Variants in SYNDIG1L observed in about 807,000 individuals in gnomAD.
SYNDIG1L encodes the protein synapse differentiation inducing 1 like.
Under a neutral mutation model 20.1 loss-of-function variants are expected in SYNDIG1L, and 13 were observed. The ratio of observed to expected loss-of-function variants is 0.65; its 90% CI spans 0.42 to 1.03. The LOEUF (loss-of-function observed/expected upper bound fraction) is 1.03. SYNDIG1L is among the 50% of genes least tolerant of loss of function. The pLI, the probability that SYNDIG1L is intolerant of heterozygous loss-of-function variation, is 0.00. For synonymous variants in SYNDIG1L, 128 were observed against 129.3 expected, an observed-to-expected ratio of 0.99 and a Z score of 0.07; for missense variants, 294 against 305.1, an observed-to-expected ratio of 0.96 and a Z score of 0.27.
rs144049440 is a variant in SYNDIG1L at position 74,406,146 on chromosome 14, C to T, written c.*1389G>A. 322 of 398,894 alleles carry T rather than the reference C, an allele frequency of 8.1e-4. 4 individuals carry two copies. The highest frequency in any genetic ancestry group is 6.0e-3 in the African/African-American group (294 of 48,714). 24.7% of individuals were successfully genotyped at this position (398,894 alleles called of 1,614,324 possible). On this transcript the variant is annotated 3_prime_UTR_variant, in exon 4 of 4. Transcript: ENST00000331628. ...GGCCTGCCCACATTGGTGCTGCCCC[C>T]CGCCTACCTGGAGATGTCTCTAAAA...
intron 1 of SYNDIG1L, among the ~76,000 whole-genome samples, chr14:74,415,498 A>G (rs1209472870): frequency 6.6e-6 from 1 of 152,182 alleles, no homozygotes; most frequent in Non-Finnish European, 1.5e-5. Flanking sequence ...CTGAAAAAAG[A>G]GTAAAAAAAT....
the SYNDIG1L span, among the ~76,000 whole-genome samples, chr14:74,434,988 C>G: frequency 7.2e-6 from 1 of 139,474 alleles, no homozygotes; most frequent in African/African-American, 2.7e-5. Context: ...GAGGCGGAGG[C>G]AGGAGAATGG....
chr14:74,430,823 A>T (rs1391072045), upstream of SYNDIG1L, among the ~76,000 whole-genome samples: 1 of 152,102 alleles, frequency 6.6e-6, no homozygotes, highest in Non-Finnish European at 1.5e-5. Flanking sequence ...GCAGTGGTGC[A>T]ATTGCTGCTC....
At chr14:74,422,869 T>A (rs1356421037) in intron 1 of SYNDIG1L, among the ~76,000 whole-genome samples, 1 of 151,986 alleles carries the variant, frequency 6.6e-6, no homozygotes, top group Non-Finnish European at 1.5e-5. Context: ...GGCTACTTTT[T>A]GTACTTTTAG....
intron 2 of SYNDIG1L, 22 bp from the exon 3 acceptor site, chr14:74,408,011 T>C (rs763062069): frequency 3.8e-6 from 6 of 1,593,034 alleles, no homozygotes; most frequent in Non-Finnish European, 5.1e-6. Flanking sequence ...TGGAGTTTGG[T>C]GACCAGGCCC....
chr14:74,416,894 G>A lies in SYNDIG1L; in HGVS notation c.-57-7093C>T, dbSNP rs148940366. On this transcript the variant is annotated intron_variant, in intron 1 of 3. Coordinates refer to ENST00000331628, the MANE Select transcript of SYNDIG1L (RefSeq NM_001105579.2). ...ATGTCATCATCATCTGCATTTTACA[G>A]CAAAAGACACTGAGGCATAGGAAAG... Among the ~76,000 whole-genome samples, 14 of 152,254 alleles carry A rather than the reference G, an allele frequency of 9.2e-5. 2 individuals are homozygous for A. Among genetic ancestry groups the A allele is most frequent in the African/African-American group, 3.4e-4 (14 of 41,546 alleles).
rs553689861 is a variant in SYNDIG1L at position 74,418,400 on chromosome 14, T to C, written c.-58+7512A>G. 3.3e-4 allele frequency among the ~76,000 whole-genome samples: 51 copies of C among 152,362 alleles called. 2 individuals are homozygous for C. Among genetic ancestry groups the C allele is most frequent in the African/African-American group, 1.2e-3 (50 of 41,578 alleles). On this transcript the variant is annotated intron_variant, in intron 1 of 3. Transcript: ENST00000331628. Reference sequence around the variant, plus strand: ...GCCTAACACAATTGATTATCCTTTCTCTCGCCTCTGTCTCCAACTGCTCCT... The same window carrying C: ...GCCTAACACAATTGATTATCCTTTCCCTCGCCTCTGTCTCCAACTGCTCCT...
At chr14:74,412,367 C>A (rs2086138454) in intron 1 of SYNDIG1L, among the ~76,000 whole-genome samples, 1 of 152,174 alleles carries the variant, frequency 6.6e-6, no homozygotes. Context: ...GGCATGTGAG[C>A]TCTGTAAGCC....
At chr14:74,440,257 T>C in the SYNDIG1L span, among the ~76,000 whole-genome samples, 5 of 151,526 alleles carry the variant, frequency 3.3e-5, no homozygotes, top group Admixed American at 1.3e-4. Flanking sequence ...GGCTCACACC[T>C]GTAACCCCAG....
intron 1 of SYNDIG1L, 52 bp from the exon 2 acceptor site, chr14:74,409,853 G>T: frequency 7.8e-7 from 1 of 1,284,152 alleles, no homozygotes; most frequent in South Asian, 3.3e-5. Flanking sequence ...CTGGAGGCAG[G>T]ACCTAAAGTG....
chr14:74,407,834 C>T lies in SYNDIG1L; in HGVS notation c.558+15G>A, dbSNP rs371150634. 3.2e-5 allele frequency: 51 copies of T among 1,606,652 alleles called. No homozygotes were observed. The highest frequency in any genetic ancestry group is 4.1e-5 in the Non-Finnish European group (48 of 1,176,566). On this transcript the variant is annotated intron_variant, in intron 3 of 3. Coordinates refer to ENST00000331628, the MANE Select transcript of SYNDIG1L (RefSeq NM_001105579.2). ...GACGGGCCAGAGAAGGGACCTGGGC[C>T]CCAGGTGCTCTTACCCCCTGGGAGA...
the SYNDIG1L span, among the ~76,000 whole-genome samples, chr14:74,442,442 G>C: frequency 6.6e-6 from 1 of 152,174 alleles, no homozygotes; most frequent in Non-Finnish European, 1.5e-5. Context: ...CAGGATGCAC[G>C]AAAGTTCTGT....
At chr14:74,434,141 TG>T in the SYNDIG1L span, among the ~76,000 whole-genome samples, 1 of 152,262 alleles carries the variant, frequency 6.6e-6, no homozygotes, top group Non-Finnish European at 1.5e-5. Context: ...TGTCCCTTGA[TG>T]GAGGTAACTT....
At chr14:74,467,116 TC>T in the SYNDIG1L span, among the ~76,000 whole-genome samples, 1 of 152,318 alleles carries the variant, frequency 6.6e-6, no homozygotes, top group Non-Finnish European at 1.5e-5. Context: ...CCGTGTTATT[TC>T]CTTTAAAATT....
At chr14:74,432,180 T>TGTGTGTGA in the SYNDIG1L span, among the ~76,000 whole-genome samples, 4,766 of 123,622 alleles carry the variant, frequency 0.039, 132 homozygotes, top group East Asian at 0.076. Context: ...TGTGTGTGTG[T>TGTGTGTGA]GAGAGAGAGA....
intron 1 of SYNDIG1L, among the ~76,000 whole-genome samples, chr14:74,416,761 G>A (rs1329327833): frequency 2.0e-5 from 3 of 152,214 alleles, no homozygotes; most frequent in Non-Finnish European, 4.4e-5. Context: ...GTAAAAGGAT[G>A]GAATAATAAT....
the SYNDIG1L span, among the ~76,000 whole-genome samples, chr14:74,465,588 G>A: frequency 6.6e-6 from 1 of 152,220 alleles, no homozygotes; most frequent in Non-Finnish European, 1.5e-5. Context: ...GAGAAAGGAG[G>A]AGAAAATCAG....
the SYNDIG1L span, among the ~76,000 whole-genome samples, chr14:74,439,036 C>T: frequency 1.3e-5 from 2 of 151,420 alleles, no homozygotes; most frequent in Non-Finnish European, 2.9e-5. Flanking sequence ...ATCACTTGAA[C>T]CCGGGAGGCA....
upstream of SYNDIG1L, among the ~76,000 whole-genome samples, chr14:74,429,072 T>C (rs998131804): frequency 7.9e-5 from 12 of 152,140 alleles, no homozygotes; most frequent in Non-Finnish European, 1.3e-4. Flanking sequence ...TCCTAGAAAA[T>C]TTTCTTCAGC....
Sources: gnomAD v4.1 joint callset for allele counts (sites outside exome capture counted in the v4.1 genomes callset) on GRCh38, gnomAD v4.1.1 for gene constraint, MANE v1.5 for transcripts, NCBI Gene and HGNC (gene_info 2026-07-23, HGNC 2026-07-21) for gene names.